ADGRD1: variants seen among roughly 807,000 people sequenced by gnomAD.
ADGRD1 encodes the protein adhesion G protein-coupled receptor D1, also known as G-protein coupled receptor 133.
A neutral mutation model predicts 113.4 loss-of-function variants in ADGRD1; 77 were observed. That is an observed-to-expected ratio of 0.68 (90% CI 0.57 to 0.82). ADGRD1 has a LOEUF of 0.82. Among genes scored for constraint, ADGRD1 ranks in the 40% least tolerant of loss-of-function variants. ADGRD1 has a pLI of 0.00. For synonymous variants in ADGRD1, 474 were observed against 475.0 expected (o/e 1.00, Z 0.03); for missense variants, 1,036 against 1,139.1 (o/e 0.91, Z 1.30).
At chr12:131,118,476 T>C in intron 19 of ADGRD1, 25 bp downstream of exon 19, 1 of 1,564,714 alleles carries the variant, frequency 6.4e-7, no homozygotes, top group South Asian at 1.2e-5. Flanking sequence ...TTGCCTTGCT[T>C]TTGGCAGGCG....
chr12:131,078,945 C>T (rs189256818), intron 14 of ADGRD1, among the ~76,000 whole-genome samples: 275 of 152,220 alleles, frequency 1.8e-3, no homozygotes, highest in Admixed American at 4.0e-3. Flanking sequence ...GTGCAACCAC[C>T]GTAATCAGGA....
intron 13 of ADGRD1, among the ~76,000 whole-genome samples, chr12:131,068,381 T>C (rs11061310): frequency 0.51 from 77,543 of 151,896 alleles, 20,481 homozygotes; most frequent in Middle Eastern, 0.6. Flanking sequence ...GATATTCTAC[T>C]AGGAATGAAA....
intron 6 of ADGRD1, chr12:130,987,606 G>A (rs1295252491): frequency 5.6e-6 from 3 of 535,258 alleles, no homozygotes; most frequent in Non-Finnish European, 6.7e-6. Flanking sequence ...ATATGTGATG[G>A]ACGATTATAG....
At chr12:131,094,694 C>T (rs1328608751) in intron 15 of ADGRD1, among the ~76,000 whole-genome samples, 1 of 152,230 alleles carries the variant, frequency 6.6e-6, no homozygotes, top group African/African-American at 2.4e-5. Flanking sequence ...TGTCACCATC[C>T]CTTCTGATTT....
chr12:131,133,604 G>A (rs966771818), intron 21 of ADGRD1, among the ~76,000 whole-genome samples: 3 of 152,192 alleles, frequency 2.0e-5, no homozygotes, highest in African/African-American at 7.2e-5. Context: ...GGGAGGTGCA[G>A]GCAGGCATCT....
Position 131,076,857 on chromosome 12 carries a change from C to A in ADGRD1, c.1530C>A (p.Cys510Ter), listed in dbSNP as rs149379586. The A allele has an allele frequency of 9.3e-6, 15 of 1,613,884 alleles. No homozygotes were observed. In the African/African-American group the frequency reaches 1.6e-4, roughly 17 times the overall value. ...TNSSNRVFVY[C>*]AFLDFSSGEG... ...GCAGCAACCGAGTCTTCGTGTACTG[C>A]GCCTTCCTGGACTTCAGGTACCCTC... is the stretch of plus-strand genomic sequence containing the variant. Residue 510 changes from cysteine to a stop codon, truncating the protein, a stop_gained, in exon 14 of 25, where the codon TGC (cysteine) becomes TGA (stop). Coordinates refer to ENST00000261654, the MANE Select transcript of ADGRD1 (RefSeq NM_198827.5). LOFTEE classifies it high-confidence loss of function.
intron 2 of ADGRD1, chr12:130,957,763 G>C (rs962046215): frequency 1.3e-5 from 2 of 152,240 alleles, no homozygotes; most frequent in African/African-American, 4.8e-5. Context: ...ACAGTAGAAA[G>C]GGACGGAAGG....
chr12:130,970,191 C>T (rs746151061), intron 3 of ADGRD1: 1 of 152,194 alleles, frequency 6.6e-6, no homozygotes, highest in Non-Finnish European at 1.5e-5. Flanking sequence ...GCAACTGAGG[C>T]ATTTATTAGA....
chr12:130,992,561 AG>A (rs1462404151), intron 8 of ADGRD1, 169 bp downstream of exon 8: 75 of 578,030 alleles, frequency 1.3e-4, no homozygotes, highest in African/African-American at 1.3e-3. Flanking sequence ...CCTCCTGGCC[AG>A]CTCTGTACAG....
chr12:131,089,442 C>T (rs1886748284), intron 15 of ADGRD1, among the ~76,000 whole-genome samples: 1 of 152,220 alleles, frequency 6.6e-6, no homozygotes, highest in Non-Finnish European at 1.5e-5. Flanking sequence ...GTGATTGTGG[C>T]CTTCACACAG....
chr12:130,959,070 G>A (rs996556913), intron 2 of ADGRD1, among the ~76,000 whole-genome samples: 2 of 152,190 alleles, frequency 1.3e-5, no homozygotes, highest in Non-Finnish European at 2.9e-5. Context: ...GGTCAGTACC[G>A]GGACATAGGT....
At position 130,984,823 on chromosome 12, in the gene ADGRD1, T is replaced by TCCCTC. The variant is rs1566000952; in HGVS notation, c.491-2270_491-2269insCTCCC. Among the ~76,000 whole-genome samples, 1 of 147,024 alleles carries TCCCTC rather than the reference T, an allele frequency of 6.8e-6. No individual in the cohort carries two copies. The highest frequency in any genetic ancestry group is 2.6e-5 in the African/African-American group (1 of 38,776). ...TCCCTCCCTCCCTTCCTCCCTCCCT[T>TCCCTC]CCTTCCTTCCTTCTTGCCTTCCATC... On this transcript the variant is annotated intron_variant, in intron 5 of 24. Coordinates refer to ENST00000261654, the MANE Select transcript of ADGRD1 (RefSeq NM_198827.5). The surrounding 1 kb of genome is among the most constrained non-coding windows in gnomAD (Gnocchi z 4.1).
At chr12:131,089,042 A>G (rs922948233) in intron 15 of ADGRD1, among the ~76,000 whole-genome samples, 2 of 152,196 alleles carry the variant, frequency 1.3e-5, no homozygotes, top group Non-Finnish European at 2.9e-5. Flanking sequence ...CCCCAGGCAC[A>G]GGCGCCCAGT....
At position 131,005,384 on chromosome 12, in the gene ADGRD1, C is replaced by T. The variant is rs575071472; in HGVS notation, c.1256-588C>T. ...TTTCCAATCCTGGCAGAGCCGTGGC[C>T]GAGCCATGGAGTGAAATAGCAAAAG... On this transcript the variant is annotated intron_variant, in intron 11 of 24. Transcript: ENST00000261654. Among the ~76,000 whole-genome samples the T allele has an allele frequency of 1.9e-4, 29 of 152,244 alleles. No individual in the cohort carries two copies. In the South Asian group the frequency reaches 5.8e-3, roughly 31 times the overall value.
intron 14 of ADGRD1, among the ~76,000 whole-genome samples, chr12:131,080,476 C>T (rs1381111033): frequency 6.6e-6 from 1 of 152,132 alleles, no homozygotes; most frequent in African/African-American, 2.4e-5. Flanking sequence ...ATGTCAATTA[C>T]ACCAAGTCGA....
At chr12:131,024,419 C>T (rs1480538886) in intron 13 of ADGRD1, 5 of 152,350 alleles carry the variant, frequency 3.3e-5, no homozygotes, top group South Asian at 2.1e-4. Context: ...CAGACCCAAC[C>T]GAGCATCCTG....
At chr12:131,010,996 C>T (rs968162226) in intron 12 of ADGRD1, among the ~76,000 whole-genome samples, 6 of 152,108 alleles carry the variant, frequency 3.9e-5, no homozygotes, top group African/African-American at 1.4e-4. Context: ...AGGGAGAGAG[C>T]CCAGAGCCTG....
At chr12:131,070,490 G>A (rs1268646537) in intron 13 of ADGRD1, 1 of 175,620 alleles carries the variant, frequency 5.7e-6, no homozygotes. Flanking sequence ...TTGCAGGTGG[G>A]TAGGAGTTTG....
chr12:131,124,289 C>T (rs1157208788), intron 20 of ADGRD1, among the ~76,000 whole-genome samples: 1 of 152,166 alleles, frequency 6.6e-6, no homozygotes, highest in East Asian at 1.9e-4. Context: ...AAGTTAAAAG[C>T]TCTATATGGG....
Sources: allele counts gnomAD v4.1 joint callset (sites outside exome capture counted in the v4.1 genomes callset), GRCh38; gene constraint gnomAD v4.1.1; non-coding constraint Gnocchi (gnomAD v3.1); transcripts MANE v1.5; gene names NCBI Gene and HGNC (gene_info 2026-07-23, HGNC 2026-07-21).